SMIM14: variants seen among roughly 807,000 people sequenced by gnomAD.
SMIM14 encodes the protein chromosome 4 open reading frame 34.
In SMIM14, 5 loss-of-function variants were observed where a neutral mutation model predicts 12.6. The ratio of observed to expected loss-of-function variants is 0.40; its 90% CI spans 0.21 to 0.83. SMIM14 has a LOEUF of 0.83. Among genes scored for constraint, SMIM14 ranks in the 40% least tolerant of loss-of-function variants. SMIM14 has a pLI of 0.37. For synonymous variants in SMIM14, 30 were observed against 40.1 expected, an observed-to-expected ratio of 0.75 and a Z score of 0.95; for missense variants, 86 against 119.1, an observed-to-expected ratio of 0.72 and a Z score of 1.29.
At chr4:39,635,195 C>G (rs895126317) in intron 1 of SMIM14, among the ~76,000 whole-genome samples, 1 of 152,116 alleles carries the variant, frequency 6.6e-6, no homozygotes, top group Non-Finnish European at 1.5e-5. Context: ...CAGCAAGAAC[C>G]AGCTTGGCAA....
chr4:39,577,862 A>AG (rs1332968827), intron 2 of SMIM14, among the ~76,000 whole-genome samples: 2 of 152,144 alleles, frequency 1.3e-5, no homozygotes, highest in African/African-American at 2.4e-5. Context: ...AGTCTTTGGG[A>AG]CATCTTGCCA....
At chr4:39,619,367 T>C (rs2110071836) in intron 1 of SMIM14, among the ~76,000 whole-genome samples, 1 of 94,620 alleles carries the variant, frequency 1.1e-5, no homozygotes, top group African/African-American at 4.3e-5. Flanking sequence ...TATATATCAA[T>C]AAATATAATT....
rs968463067 is a variant in SMIM14, at chr4:39,551,285, T to C, written c.*841A>G. 6 of 152,528 alleles carry C rather than the reference T, an allele frequency of 3.9e-5. No individual in the cohort carries two copies. The highest frequency in any genetic ancestry group is 7.3e-5 in the Non-Finnish European group (5 of 68,042). The allele number at this position is 152,528 out of a possible 1,614,324, so 9.4% of individuals were successfully genotyped here. A position where few individuals can be genotyped will look rare whatever the true frequency, so the allele number is the denominator to read the frequency against. The stretch of plus-strand genomic sequence containing the variant: ...AAGAGGCACTCATTTTAAAAATAAA[T>C]TATAGCTTAAATTATTACTATGTGG... On this transcript the variant is annotated 3_prime_UTR_variant, in exon 5 of 5. Coordinates refer to ENST00000295958, the MANE Select transcript of SMIM14 (RefSeq NM_174921.3).
intron 2 of SMIM14, among the ~76,000 whole-genome samples, chr4:39,580,468 A>G (rs1713439301): frequency 6.6e-6 from 1 of 151,004 alleles, no homozygotes. Flanking sequence ...GTATAAACCA[A>G]CACACCCAGC....
Position 39,591,527 on chromosome 4 carries a change from T to C in SMIM14, c.75+13544A>G, listed in dbSNP as rs1714078817. ...GGGCATTCTTTGTACTGCAATCATA[T>C]CAGTCTTGAACTTGAACACTGTTAG... On this transcript the variant is annotated intron_variant, in intron 2 of 4. Transcript: ENST00000295958. 5.3e-5 allele frequency among the ~76,000 whole-genome samples: 8 copies of C among 152,264 alleles called. 1 individual carries two copies. The South Asian group carries it at 1.2e-3, about 24-fold the overall frequency.
At chr4:39,588,465 G>C (rs558232136) in intron 2 of SMIM14, among the ~76,000 whole-genome samples, 22 of 152,034 alleles carry the variant, frequency 1.4e-4, no homozygotes, top group Admixed American at 3.3e-4. Context: ...ATTATAGAAG[G>C]CTATGTGCCT....
At chr4:39,624,185 G>C (rs1164979637) in intron 1 of SMIM14, among the ~76,000 whole-genome samples, 1 of 152,060 alleles carries the variant, frequency 6.6e-6, no homozygotes, top group Non-Finnish European at 1.5e-5. Context: ...CTCAAAACTG[G>C]TTATTCTTTT....
Position 39,638,771 on chromosome 4 carries a change from A to T in SMIM14, c.-68T>A. On this transcript the variant is annotated 5_prime_UTR_variant, in exon 1 of 5. Coordinates refer to ENST00000295958, the MANE Select transcript of SMIM14 (RefSeq NM_174921.3). Reference sequence around the variant, plus strand: ...GACAACAACCGATGGGGCGGGGAGGATGGGGGCCGGGACCGAGGCTCGGCA... The same window carrying T: ...GACAACAACCGATGGGGCGGGGAGGTTGGGGGCCGGGACCGAGGCTCGGCA... The T allele has an allele frequency of 1.0e-6, 1 of 985,310 alleles. No individual in the cohort carries two copies. The allele number at this position is 985,310 out of a possible 1,614,324, so 61.0% of individuals were successfully genotyped here.
At chr4:39,574,285 G>A (rs1560288599) in intron 2 of SMIM14, among the ~76,000 whole-genome samples, 2 of 139,608 alleles carry the variant, frequency 1.4e-5, no homozygotes, top group Non-Finnish European at 1.5e-5. Flanking sequence ...ACGGAGTCTC[G>A]CTCTGTCGCC....
In SMIM14 at chr4:39,638,752, A is replaced by T. The variant is rs1332457979; in HGVS notation, c.-49T>A. ...GGAGACACTCACCCGCCCAGACAAC[A>T]ACCGATGGGGCGGGGAGGATGGGGG... On this transcript the variant is annotated 5_prime_UTR_variant, in exon 1 of 5. Coordinates refer to ENST00000295958, the MANE Select transcript of SMIM14 (RefSeq NM_174921.3). The T allele has an allele frequency of 1.0e-6, 1 of 985,284 alleles. No individual in the cohort carries two copies. Among genetic ancestry groups the T allele is most frequent in the Non-Finnish European group, 1.2e-6 (1 of 829,974 alleles). 61.0% of individuals were successfully genotyped at this position (985,284 alleles called of 1,614,324 possible).
At chr4:39,615,195 G>A (rs545518126) in intron 1 of SMIM14, among the ~76,000 whole-genome samples, 72 of 152,124 alleles carry the variant, frequency 4.7e-4, no homozygotes, top group African/African-American at 1.7e-3. Context: ...TTGGCCTCCC[G>A]AAGTGTTGGG....
At chr4:39,569,991 C>G (rs1712801995) in intron 3 of SMIM14, among the ~76,000 whole-genome samples, 1 of 152,150 alleles carries the variant, frequency 6.6e-6, no homozygotes, top group African/African-American at 2.4e-5. Flanking sequence ...AGCCTAAAAT[C>G]TCTTTCCTAT....
At position 39,548,297 on chromosome 4, in the gene SMIM14, A is replaced by G. The variant is rs1747425092; in HGVS notation, c.*3829T>C. On this transcript the variant is annotated 3_prime_UTR_variant, in exon 5 of 5. Transcript: ENST00000295958. ...AAAACAAAACAAACAAACAAATGCAACAAAACAACCTCCCACTATTATTGT... is the reference window on the plus strand; with the variant it reads ...AAAACAAAACAAACAAACAAATGCAGCAAAACAACCTCCCACTATTATTGT... 6.6e-6 allele frequency: 1 copy of G among 152,214 alleles called. No homozygotes were observed. The highest frequency in any genetic ancestry group is 2.1e-4 in the South Asian group (1 of 4,838). 9.4% of individuals were successfully genotyped at this position (152,214 alleles called of 1,614,324 possible).
intron 4 of SMIM14, 148 bp from the exon 5 acceptor site, chr4:39,552,306 A>G: frequency 1.9e-6 from 1 of 538,434 alleles, no homozygotes; most frequent in South Asian, 3.3e-5. Flanking sequence ...AATGCCCCCA[A>G]CCATCCCATC....
At chr4:39,638,391 C>T (rs1428515764) in intron 1 of SMIM14, 10 of 870,530 alleles carry the variant, frequency 1.1e-5, no homozygotes, top group Middle Eastern at 5.8e-4. Context: ...TTTTTCCTTC[C>T]AGCTACGACT....
chr4:39,621,190 GATAC>G, intron 1 of SMIM14: 1 of 152,094 alleles, frequency 6.6e-6, no homozygotes, highest in Admixed American at 6.5e-5. Flanking sequence ...ACCCCCTACA[GATAC>G]ATACAAACTT....
intron 3 of SMIM14, among the ~76,000 whole-genome samples, chr4:39,566,581 C>A (rs1712584957): frequency 6.6e-6 from 1 of 151,952 alleles, no homozygotes; most frequent in South Asian, 2.1e-4. Context: ...GCCTGTAATC[C>A]CAGCACTTTG....
chr4:39,609,355 C>T (rs1714940029), intron 1 of SMIM14, among the ~76,000 whole-genome samples: 1 of 151,928 alleles, frequency 6.6e-6, no homozygotes, highest in Non-Finnish European at 1.5e-5. Context: ...ATAAATGGTG[C>T]CTAGAGAGCA....
intron 1 of SMIM14, among the ~76,000 whole-genome samples, chr4:39,634,082 C>T (rs1005503018): frequency 6.6e-6 from 1 of 152,180 alleles, no homozygotes; most frequent in African/African-American, 2.4e-5. Flanking sequence ...GCGCGCATGA[C>T]CACACCCAGC....
Sources: gnomAD v4.1 joint callset for allele counts (sites outside exome capture counted in the v4.1 genomes callset) on GRCh38, gnomAD v4.1.1 for gene constraint, MANE v1.5 for transcripts, NCBI Gene and HGNC (gene_info 2026-07-23, HGNC 2026-07-21) for gene names.